NAA11: variants seen among roughly 807,000 people sequenced by gnomAD.
NAA11 encodes N-alpha-acetyltransferase 11.
NAA11 carries 15 observed loss-of-function variants against 16.1 expected under a neutral mutation model. The observed-to-expected ratio is 0.93, with a 90% CI of 0.62 to 1.44. The LOEUF is 1.44. Ranked by LOEUF, NAA11 falls within the 40% of genes most tolerant of loss-of-function variation. The probability of loss-of-function intolerance (pLI) is 0.00; values close to 1 mark genes in which losing one functional copy is unlikely to be tolerated. For synonymous variants in NAA11, 122 were observed against 112.4 expected (o/e 1.09, Z -0.54); for missense variants, 298 against 291.3 (o/e 1.02, Z -0.17).
chr4:79,269,759 G>A (rs1425876837), intron 2 of NAA11, among the ~76,000 whole-genome samples: 14 of 136,542 alleles, frequency 1.0e-4, no homozygotes, highest in Non-Finnish European at 1.9e-4. Flanking sequence ...TTGGTGTTTT[G>A]GACATGAAGT....
chr4:79,270,412 GGA>G (rs1722467110), intron 2 of NAA11, among the ~76,000 whole-genome samples: 1 of 140,480 alleles, frequency 7.1e-6, no homozygotes, highest in Non-Finnish European at 1.6e-5. Flanking sequence ...AAAGAGTCCA[GGA>G]CCAGATGGAT....
At chr4:79,285,172 TC>T (rs1330310603) in intron 2 of NAA11, among the ~76,000 whole-genome samples, 1 of 152,098 alleles carries the variant, frequency 6.6e-6, no homozygotes, top group Non-Finnish European at 1.5e-5. Context: ...AATTCACCTT[TC>T]TATTTATCAG....
At chr4:79,227,203 T>C (rs1169836921) in intron 2 of NAA11, 1 of 151,594 alleles carries the variant, frequency 6.6e-6, no homozygotes, top group Non-Finnish European at 1.5e-5. Flanking sequence ...TTTTTCATTT[T>C]ACCATCAGAG....
intron 1 of NAA11, among the ~76,000 whole-genome samples, chr4:79,324,477 A>G (rs1413764139): frequency 1.3e-5 from 2 of 152,168 alleles, no homozygotes; most frequent in Non-Finnish European, 2.9e-5. Flanking sequence ...TGTGTGTGCC[A>G]TTTATTTGTT....
chr4:79,263,274 G>A (rs1248666903), intron 2 of NAA11, among the ~76,000 whole-genome samples: 4 of 152,146 alleles, frequency 2.6e-5, no homozygotes, highest in African/African-American at 9.7e-5. Context: ...CCTGTAGGGT[G>A]TATATTTGCA....
the NAA11 span, among the ~76,000 whole-genome samples, chr4:79,168,931 A>C: frequency 6.6e-6 from 1 of 152,202 alleles, no homozygotes; most frequent in South Asian, 2.1e-4. Flanking sequence ...ATCAATGTGC[A>C]GAAATCAAAA....
At chr4:79,272,016 A>G (rs577267630) in intron 2 of NAA11, among the ~76,000 whole-genome samples, 2 of 152,046 alleles carry the variant, frequency 1.3e-5, no homozygotes, top group South Asian at 4.1e-4. Context: ...ACACACATAT[A>G]TATACACACA....
At chr4:79,290,187 C>T (rs1723047761) in intron 2 of NAA11, among the ~76,000 whole-genome samples, 1 of 152,074 alleles carries the variant, frequency 6.6e-6, no homozygotes, top group Non-Finnish European at 1.5e-5. Flanking sequence ...AAAATTGAAC[C>T]AGGAGCCTCT....
At chr4:79,276,799 G>A (rs1560442631) in intron 2 of NAA11, among the ~76,000 whole-genome samples, 2 of 152,136 alleles carry the variant, frequency 1.3e-5, no homozygotes, top group Non-Finnish European at 2.9e-5. Flanking sequence ...CTATTTAGAC[G>A]CAATTGGAGT....
chr4:79,187,998 C>CAAAAAAAAAAAAAAAAAAA, the NAA11 span, among the ~76,000 whole-genome samples: 1 of 74,184 alleles, frequency 1.3e-5, no homozygotes, highest in Non-Finnish European at 2.3e-5. Flanking sequence ...GACTCCGTCT[C>CAAAAAAAAAAAAAAAAAAA]AAAAAAAAAA....
chr4:79,184,751 C>T, the NAA11 span, among the ~76,000 whole-genome samples: 2 of 152,224 alleles, frequency 1.3e-5, no homozygotes, highest in South Asian at 2.1e-4. Context: ...CTGTGAAAAA[C>T]GTCTTTTGTG....
the NAA11 span, among the ~76,000 whole-genome samples, chr4:79,210,701 G>A: frequency 6.6e-6 from 1 of 151,992 alleles, no homozygotes; most frequent in South Asian, 2.1e-4. Flanking sequence ...ATATACCCTG[G>A]GTTAGCGGCA....
chr4:79,161,976 C>T, the NAA11 span, among the ~76,000 whole-genome samples: 35 of 152,310 alleles, frequency 2.3e-4, no homozygotes, highest in Middle Eastern at 3.4e-3. Context: ...CCACCACACC[C>T]GGCCTACTTA....
the NAA11 span, among the ~76,000 whole-genome samples, chr4:79,215,348 C>G: frequency 6.6e-6 from 1 of 152,142 alleles, no homozygotes; most frequent in Non-Finnish European, 1.5e-5. Flanking sequence ...ACTGGAAGTT[C>G]TCAAGAATAA....
At chr4:79,201,383 A>G in the NAA11 span, among the ~76,000 whole-genome samples, 2 of 151,796 alleles carry the variant, frequency 1.3e-5, no homozygotes, top group African/African-American at 4.8e-5. Context: ...GCTTATTTCA[A>G]TACTTTTTCA....
At chr4:79,227,554 CAAGGAG>C (rs1050269288) in intron 2 of NAA11, 3 of 151,870 alleles carry the variant, frequency 2.0e-5, no homozygotes, top group African/African-American at 7.3e-5. Flanking sequence ...TCCCAGAAAC[CAAGGAG>C]AAGAGGATGT....
intron 1 of NAA11, among the ~76,000 whole-genome samples, chr4:79,320,493 G>A (rs577544126): frequency 6.6e-6 from 1 of 152,248 alleles, no homozygotes; most frequent in East Asian, 1.9e-4. Context: ...TTGCATCCTT[G>A]TTTTCCACTA....
At chr4:79,203,418 T>C in the NAA11 span, among the ~76,000 whole-genome samples, 1 of 151,800 alleles carries the variant, frequency 6.6e-6, no homozygotes, top group South Asian at 2.1e-4. Flanking sequence ...CTTTGTATTA[T>C]CCTACAGAAG....
the NAA11 span, among the ~76,000 whole-genome samples, chr4:79,196,887 C>T: frequency 7.3e-6 from 1 of 137,248 alleles, no homozygotes; most frequent in Non-Finnish European, 1.5e-5. Context: ...TGGCTGCCAT[C>T]ACTGGCTTTG....
Sources: allele counts gnomAD v4.1 joint callset (sites outside exome capture counted in the v4.1 genomes callset), GRCh38; gene constraint gnomAD v4.1.1; transcripts MANE v1.5; gene names NCBI Gene and HGNC (gene_info 2026-07-23, HGNC 2026-07-21).